MAVS: variants seen among roughly 807,000 people sequenced by gnomAD.
The protein encoded by MAVS is mitochondrial antiviral signaling protein.
A neutral mutation model predicts 30.2 loss-of-function variants in MAVS; 20 were observed. The observed-to-expected ratio is 0.66, with a 90% CI of 0.47 to 0.96. MAVS has a LOEUF of 0.96. MAVS is among the 40% of genes least tolerant of loss of function. MAVS has a pLI of 0.00. For missense variants in MAVS, 624 were observed against 701.1 expected (o/e 0.89, Z 1.24); for synonymous variants, 278 against 293.9 (o/e 0.95, Z 0.55).
chr20:3,863,913 C>T (rs905512328), intron 5 of MAVS, among the ~76,000 whole-genome samples: 2 of 152,120 alleles, frequency 1.3e-5, no homozygotes, highest in Non-Finnish European at 2.9e-5. Flanking sequence ...TTGCATGAGG[C>T]TAAGGTCAAA....
At chr20:3,847,247 T>G (rs1214964972) in intron 1 of MAVS, among the ~76,000 whole-genome samples, 1 of 151,838 alleles carries the variant, frequency 6.6e-6, no homozygotes, top group Non-Finnish European at 1.5e-5. Flanking sequence ...GACGCTAAGG[T>G]GGGGCCGAGC....
intron 1 of MAVS, among the ~76,000 whole-genome samples, chr20:3,847,472 A>G (rs576231264): frequency 1.1e-4 from 17 of 152,216 alleles, no homozygotes; most frequent in African/African-American, 4.1e-4. Context: ...CAGGTCGGAA[A>G]CTTTGCTGTA....
intron 2 of MAVS, among the ~76,000 whole-genome samples, chr20:3,855,063 T>C (rs11906417): frequency 6.6e-6 from 1 of 151,992 alleles, no homozygotes; most frequent in South Asian, 2.1e-4. Flanking sequence ...GCTAATTTTT[T>C]TGTTTTTAAT....
At chr20:3,852,884 G>C (rs189703934) in intron 1 of MAVS, among the ~76,000 whole-genome samples, 94 of 141,702 alleles carry the variant, frequency 6.6e-4, no homozygotes, top group African/African-American at 2.3e-3. Flanking sequence ...CTGCCGCCCA[G>C]GCTGGAGTGC....
chr20:3,849,918 A>G (rs2089743258), intron 1 of MAVS, among the ~76,000 whole-genome samples: 1 of 152,208 alleles, frequency 6.6e-6, no homozygotes, highest in African/African-American at 2.4e-5. Context: ...ATACATCTAT[A>G]ACTGCAAATT....
At chr20:3,853,448 C>T (rs1187513357) in intron 1 of MAVS, among the ~76,000 whole-genome samples, 40 of 149,716 alleles carry the variant, frequency 2.7e-4, no homozygotes, top group Admixed American at 6.0e-4. Context: ...ATCGCGCCAC[C>T]GCACTCCAGC....
rs1007907623 is a variant in MAVS at position 3,868,414 on chromosome 20, C to G, written c.*2267C>G. On this transcript the variant is annotated 3_prime_UTR_variant, in exon 7 of 7. Coordinates refer to ENST00000428216, the MANE Select transcript of MAVS (RefSeq NM_020746.5). ...CTTTGGGAGGCCAAGGTGGGCAGATCGCCTGAGGTCTGGAGTTCAAGACCA... is the reference window on the plus strand; with the variant it reads ...CTTTGGGAGGCCAAGGTGGGCAGATGGCCTGAGGTCTGGAGTTCAAGACCA... The G allele has an allele frequency of 6.6e-6, 1 of 152,214 alleles. No individual in the cohort carries two copies. Among genetic ancestry groups the G allele is most frequent in the Non-Finnish European group, 1.5e-5 (1 of 68,068 alleles). The allele number at this position is 152,214 out of a possible 1,614,324, so 9.4% of individuals were successfully genotyped here.
intron 3 of MAVS, 72 bp from the exon 4 acceptor site, chr20:3,861,260 T>A (rs1414093349): frequency 6.9e-7 from 1 of 1,456,920 alleles, no homozygotes. Context: ...CCCAAAGTGC[T>A]GAGATTACAG....
chr20:3,848,345 T>C (rs574929089), intron 1 of MAVS, among the ~76,000 whole-genome samples: 164 of 152,154 alleles, frequency 1.1e-3, no homozygotes, highest in African/African-American at 1.7e-3. Context: ...GTGATCTGCC[T>C]GCCTCGGCCT....
Position 3,866,236 on chromosome 20 carries a change from G to C in MAVS, c.*89G>C, listed in dbSNP as rs2089908011. ...CGAAGCCCCTTGTCCCTTTCTTGGGGATTGTGGAGGCTGGGTCAGAGGGGA... is the reference window on the plus strand; with the variant it reads ...CGAAGCCCCTTGTCCCTTTCTTGGGCATTGTGGAGGCTGGGTCAGAGGGGA... On this transcript the variant is annotated 3_prime_UTR_variant, in exon 7 of 7. Coordinates refer to ENST00000428216, the MANE Select transcript of MAVS (RefSeq NM_020746.5). 1.1e-5 allele frequency: 14 copies of C among 1,280,444 alleles called. No homozygotes were observed. In the South Asian group the frequency reaches 2.1e-4, roughly 19 times the overall value. 79.3% of individuals were successfully genotyped at this position (1,280,444 alleles called of 1,614,324 possible). A position where few individuals can be genotyped will look rare whatever the true frequency, so the allele number is the denominator to read the frequency against.
At chr20:3,862,468 G>T in intron 5 of MAVS, 55 bp downstream of exon 5, 1 of 1,534,416 alleles carries the variant, frequency 6.5e-7, no homozygotes, top group Non-Finnish European at 8.8e-7. Flanking sequence ...GTGAGGGTAA[G>T]AATTAGAGTT....
intron 1 of MAVS, among the ~76,000 whole-genome samples, chr20:3,852,357 T>A (rs2089769117): frequency 6.6e-6 from 1 of 151,978 alleles, no homozygotes; most frequent in South Asian, 2.1e-4. Context: ...GACCTGAAGA[T>A]CTCAGTTCTT....
rs781659490 is a variant in MAVS, at chr20:3,857,772, G to A, written c.255G>A (p.Ala85=). ...ALRGCELVDL[A]DEVASVYQSY... is the part of the protein sequence containing the mutation. ...GGGGCTGTGAGCTAGTTGATCTCGC[G>A]GACGAAGTGGCCTCTGTCTACCAGA... Residue 85 remains alanine (A), a synonymous_variant, in exon 3 of 7, where the codon GCG becomes GCA. Coordinates refer to ENST00000428216, the MANE Select transcript of MAVS (RefSeq NM_020746.5). The A allele has an allele frequency of 1.2e-5, 19 of 1,614,060 alleles. No individual in the cohort carries two copies. The highest frequency in any genetic ancestry group is 5.3e-5 in the African/African-American group (4 of 74,898).
chr20:3,852,011 C>CTTTTTTTTTTTTTTTTTTTTTT (rs1278577898), intron 1 of MAVS, among the ~76,000 whole-genome samples: 1 of 47,220 alleles, frequency 2.1e-5, no homozygotes, highest in African/African-American at 1.1e-4. Flanking sequence ...TTTTTTTCCC[C>CTTTTTTTTTTTTTTTTTTTTTT]CGAGACGGAA....
chr20:3,848,496 C>G (rs2089729693), intron 1 of MAVS, among the ~76,000 whole-genome samples: 1 of 152,242 alleles, frequency 6.6e-6, no homozygotes, highest in Admixed American at 6.5e-5. Flanking sequence ...CCTGACCTGT[C>G]ATTAGTACTT....
chr20:3,864,868 C>T (rs1464994649), intron 6 of MAVS, 80 bp downstream of exon 6: 2 of 1,524,338 alleles, frequency 1.3e-6, no homozygotes, highest in Non-Finnish European at 1.8e-6. Context: ...GCCTTGGCCC[C>T]TTCCCAGTCT....
chr20:3,850,290 A>AG (rs1301939992), intron 1 of MAVS, among the ~76,000 whole-genome samples: 2 of 141,380 alleles, frequency 1.4e-5, no homozygotes, highest in Non-Finnish European at 3.0e-5. Context: ...AAAAAAAAAA[A>AG]AAAAAAAAAG....
rs1023275522 is a variant in MAVS at position 3,873,975 on chromosome 20, T to C, written c.*7828T>C. Reference sequence around the variant, plus strand: ...GGCAAGAATGTTTCTAACCACACGCTGACTGTAGCCCCAAACCTGAAACAA... The same window carrying C: ...GGCAAGAATGTTTCTAACCACACGCCGACTGTAGCCCCAAACCTGAAACAA... On this transcript the variant is annotated 3_prime_UTR_variant, in exon 7 of 7. Transcript: ENST00000428216. The C allele has an allele frequency of 2.5e-6, 1 of 395,196 alleles. No homozygotes were observed. Among genetic ancestry groups the C allele is most frequent in the African/African-American group, 2.1e-5 (1 of 47,908 alleles). 24.5% of individuals were successfully genotyped at this position (395,196 alleles called of 1,614,324 possible).
Position 3,864,251 on chromosome 20 carries a change from G to C in MAVS, c.626-5G>C. On this transcript the variant is annotated splice_region_variant and splice_polypyrimidine_tract_variant and intron_variant, in intron 5 of 6. Coordinates refer to ENST00000428216, the MANE Select transcript of MAVS (RefSeq NM_020746.5). The stretch of plus-strand genomic sequence containing the variant: ...GTGTTTCCACTTGTGTTTTTCCACC[G>C]GCAGGTGCGACCTCCAGCCTCACAC... 1 of 1,595,580 alleles carries C rather than the reference G, an allele frequency of 6.3e-7. No homozygotes were observed. Among genetic ancestry groups the C allele is most frequent in the Non-Finnish European group, 8.5e-7 (1 of 1,170,632 alleles).
Sources: allele counts gnomAD v4.1 joint callset (sites outside exome capture counted in the v4.1 genomes callset), GRCh38; gene constraint gnomAD v4.1.1; transcripts MANE v1.5; gene names NCBI Gene and HGNC (gene_info 2026-07-23, HGNC 2026-07-21).